The following SCOC variants were observed in gnomAD, a reference collection of about 807,000 sequenced individuals.
SCOC encodes the protein short coiled-coil protein.
SCOC carries 7 observed loss-of-function variants against 9.9 expected under a neutral mutation model. That is an observed-to-expected ratio of 0.71 (90% CI 0.40 to 1.33). The LOEUF (loss-of-function observed/expected upper bound fraction) is 1.33. SCOC is among the 40% of genes most tolerant of loss of function. The pLI is 0.01. For missense variants in SCOC, 66 were observed against 89.7 expected, an observed-to-expected ratio of 0.74 and a Z score of 1.07; for synonymous variants, 19 against 28.2, an observed-to-expected ratio of 0.67 and a Z score of 1.03.
chr4:140,343,101 T>G (rs1346517770), upstream of SCOC, among the ~76,000 whole-genome samples: 1 of 152,232 alleles, frequency 6.6e-6, no homozygotes, highest in Non-Finnish European at 1.5e-5. Flanking sequence ...TATTTCTTCA[T>G]ACATGTACCA....
upstream of SCOC, among the ~76,000 whole-genome samples, chr4:140,343,057 T>C (rs1726565640): frequency 6.6e-6 from 1 of 152,236 alleles, no homozygotes; most frequent in African/African-American, 2.4e-5. Flanking sequence ...ATGTATGGCA[T>C]ATATGTATGG....
intron 2 of SCOC, among the ~76,000 whole-genome samples, chr4:140,345,601 A>C (rs1024893803): frequency 1.3e-5 from 2 of 152,258 alleles, no homozygotes; most frequent in African/African-American, 4.8e-5. Context: ...TTTAGCAGAC[A>C]TCATTCATTC....
At chr4:140,291,622 C>T in intron 1 of SCOC, 2 of 413,728 alleles carry the variant, frequency 4.8e-6, no homozygotes, top group Non-Finnish European at 9.8e-6. Context: ...AATCAATGAC[C>T]ATGTACCATG....
intron 1 of SCOC, among the ~76,000 whole-genome samples, chr4:140,273,726 G>T (rs1249529561): frequency 6.6e-6 from 1 of 151,832 alleles, no homozygotes; most frequent in Non-Finnish European, 1.5e-5. Flanking sequence ...TGCATAATTT[G>T]TTCATGTTTA....
At chr4:140,275,973 G>T (rs150345867) in intron 1 of SCOC, among the ~76,000 whole-genome samples, 275 of 151,948 alleles carry the variant, frequency 1.8e-3, no homozygotes, top group Non-Finnish European at 3.4e-3. Flanking sequence ...ACAGGTGTGT[G>T]CCACTATGCC....
intron 1 of SCOC, among the ~76,000 whole-genome samples, chr4:140,262,071 C>T (rs1057006540): frequency 3.3e-5 from 5 of 152,192 alleles, no homozygotes; most frequent in African/African-American, 1.2e-4. Flanking sequence ...TAAAACATTC[C>T]ATTTCCTGAT....
intron 1 of SCOC, among the ~76,000 whole-genome samples, chr4:140,290,347 T>G (rs1433768025): frequency 6.6e-6 from 1 of 152,206 alleles, no homozygotes; most frequent in Admixed American, 6.5e-5. Context: ...CTTCAGCTGG[T>G]CACTTGGGAC....
intron 1 of SCOC, among the ~76,000 whole-genome samples, chr4:140,305,780 G>A (rs1731961046): frequency 6.6e-6 from 1 of 152,118 alleles, no homozygotes; most frequent in African/African-American, 2.4e-5. Context: ...ATTTCAGCTG[G>A]GGCAAAGATT....
intron 1 of SCOC, chr4:140,291,620 A>G (rs1731474628): frequency 2.4e-6 from 1 of 413,380 alleles, no homozygotes; most frequent in Non-Finnish European, 4.9e-6. Context: ...CAAATCAATG[A>G]CCATGTACCA....
intron 1 of SCOC, among the ~76,000 whole-genome samples, chr4:140,288,562 A>G (rs58729835): frequency 0.078 from 11,859 of 152,024 alleles, 744 homozygotes; most frequent in East Asian, 0.28. Context: ...ACAAACATAT[A>G]TACACATGTA....
intron 1 of SCOC, among the ~76,000 whole-genome samples, chr4:140,375,380 G>C (rs969293610): frequency 6.6e-6 from 1 of 152,128 alleles, no homozygotes; most frequent in African/African-American, 2.4e-5. Flanking sequence ...AGATACGTAC[G>C]GTTATTATCC....
In SCOC at chr4:140,272,334, C is replaced by T. The variant is rs987323219; in HGVS notation, c.-19+14924C>T. The stretch of plus-strand genomic sequence containing the variant: ...CCTTTCAAATTGTTGGGATTACAGG[C>T]GTTAGCCACTGCGCCCAGCCTGTGT... On this transcript the variant is annotated intron_variant, in intron 1 of 4. Transcript: ENST00000394205. 8.6e-5 allele frequency among the ~76,000 whole-genome samples: 13 copies of T among 152,044 alleles called. No homozygotes were observed. In the East Asian group the frequency reaches 1.4e-3, roughly 16 times the overall value.
At chr4:140,368,570 C>T (rs192505010) in intron 2 of SCOC, among the ~76,000 whole-genome samples, 1 of 152,068 alleles carries the variant, frequency 6.6e-6, no homozygotes, top group Admixed American at 6.6e-5. Flanking sequence ...AAGGACATAC[C>T]TGGAAGAAAA....
At chr4:140,331,927 A>T (rs1386861405) in intron 1 of SCOC, among the ~76,000 whole-genome samples, 1 of 152,186 alleles carries the variant, frequency 6.6e-6, no homozygotes, top group Non-Finnish European at 1.5e-5. Context: ...GCATGGCAGC[A>T]TCTACTCCTG....
At chr4:140,310,372 C>T (rs1044168971) in intron 1 of SCOC, among the ~76,000 whole-genome samples, 1 of 152,166 alleles carries the variant, frequency 6.6e-6, no homozygotes, top group African/African-American at 2.4e-5. Flanking sequence ...CTTCTTAGGA[C>T]GTTATGGGTG....
upstream of SCOC, chr4:140,369,350 C>A: frequency 2.6e-6 from 1 of 384,688 alleles, no homozygotes. Flanking sequence ...AATTCAATAA[C>A]CTTTCAAGTG....
chr4:140,302,935 A>G (rs1308434992), intron 1 of SCOC, among the ~76,000 whole-genome samples: 1 of 149,550 alleles, frequency 6.7e-6, no homozygotes, highest in Non-Finnish European at 1.5e-5. Context: ...ATGCTCAATG[A>G]TGACATTAGC....
chr4:140,275,426 T>G (rs1340540169), intron 1 of SCOC, among the ~76,000 whole-genome samples: 3 of 152,232 alleles, frequency 2.0e-5, no homozygotes, highest in Non-Finnish European at 2.9e-5. Flanking sequence ...CAAGTTGTAT[T>G]GTATTACATA....
At chr4:140,373,029 C>T (rs1728121002), upstream of SCOC, among the ~76,000 whole-genome samples, 1 of 152,184 alleles carries the variant, frequency 6.6e-6, no homozygotes, top group African/African-American at 2.4e-5. Context: ...TTTCTCAATT[C>T]TAAAATATTA....
Sources: allele counts gnomAD v4.1 joint callset (sites outside exome capture counted in the v4.1 genomes callset), GRCh38; gene constraint gnomAD v4.1.1; transcripts MANE v1.5; gene names NCBI Gene and HGNC (gene_info 2026-07-23, HGNC 2026-07-21).